The following EFCAB6 variants were observed in gnomAD, a reference collection of about 807,000 sequenced individuals.
EFCAB6 encodes EF-hand calcium binding domain 6.
A neutral mutation model predicts 169.8 loss-of-function variants in EFCAB6; 156 were observed. The ratio of observed to expected loss-of-function variants is 0.92; its 90% CI spans 0.81 to 1.05. The LOEUF is 1.05. Among genes scored for constraint, EFCAB6 ranks in the 50% least tolerant of loss-of-function variants. The pLI is 0.00. For synonymous variants in EFCAB6, 698 were observed against 676.4 expected (o/e 1.03, Z -0.50); for missense variants, 1,800 against 1,829.1 (o/e 0.98, Z 0.29).
At chr22:43,626,017 A>G (rs185831724) in intron 20 of EFCAB6, among the ~76,000 whole-genome samples, 13 of 152,384 alleles carry the variant, frequency 8.5e-5, no homozygotes, top group Non-Finnish European at 8.8e-5. Flanking sequence ...TTGAACCCAG[A>G]TTAATACATA....
chr22:43,601,290 G>A (rs2052505431), intron 22 of EFCAB6, among the ~76,000 whole-genome samples: 1 of 152,184 alleles, frequency 6.6e-6, no homozygotes, highest in South Asian at 2.1e-4. Flanking sequence ...AAATAGAATA[G>A]AATTACTTCA....
At chr22:43,551,376 T>G (rs2147155675) in intron 27 of EFCAB6, among the ~76,000 whole-genome samples, 1 of 152,358 alleles carries the variant, frequency 6.6e-6, no homozygotes, top group Non-Finnish European at 1.5e-5. Flanking sequence ...GGTGCAAAAG[T>G]AATTACGGTC....
intron 17 of EFCAB6, among the ~76,000 whole-genome samples, chr22:43,666,391 G>A (rs1043708882): frequency 1.3e-5 from 2 of 152,186 alleles, no homozygotes; most frequent in African/African-American, 4.8e-5. Context: ...CAGTGGGGCA[G>A]GCACCGGATG....
chr22:43,568,808 C>A (rs1308969372), intron 26 of EFCAB6, among the ~76,000 whole-genome samples: 1 of 152,214 alleles, frequency 6.6e-6, no homozygotes, highest in African/African-American at 2.4e-5. Context: ...AATTCAACCA[C>A]ACAAATTAAA....
At chr22:43,809,940 G>A (rs113383425) in intron 1 of EFCAB6, among the ~76,000 whole-genome samples, 105 of 151,734 alleles carry the variant, frequency 6.9e-4, no homozygotes, top group African/African-American at 2.3e-3. Flanking sequence ...TCATTCTGTC[G>A]CCCAGGCTGG....
intron 21 of EFCAB6, among the ~76,000 whole-genome samples, chr22:43,613,031 A>G (rs1221063742): frequency 2.7e-5 from 4 of 150,486 alleles, no homozygotes; most frequent in African/African-American, 9.7e-5. Flanking sequence ...TCAAAGAGCT[A>G]AAAACAGAAC....
At chr22:43,559,302 C>G (rs1417326194) in intron 26 of EFCAB6, among the ~76,000 whole-genome samples, 2 of 152,084 alleles carry the variant, frequency 1.3e-5, no homozygotes, top group Non-Finnish European at 1.5e-5. Flanking sequence ...CAAACCAAAA[C>G]CACAATAAGA....
At chr22:43,626,343 C>T in intron 20 of EFCAB6, 104 bp downstream of exon 20, 1 of 1,113,608 alleles carries the variant, frequency 9.0e-7, no homozygotes, top group Non-Finnish European at 1.3e-6. Flanking sequence ...AAAAAATAAT[C>T]ACTCCATTCT....
intron 6 of EFCAB6, among the ~76,000 whole-genome samples, chr22:43,754,345 G>A (rs1427207119): frequency 6.6e-6 from 1 of 152,188 alleles, no homozygotes; most frequent in African/African-American, 2.4e-5. Flanking sequence ...AGAGCCCCAG[G>A]ATGGAAACCC....
intron 9 of EFCAB6, among the ~76,000 whole-genome samples, chr22:43,712,065 T>C (rs936357718): frequency 6.6e-6 from 1 of 152,232 alleles, no homozygotes; most frequent in Non-Finnish European, 1.5e-5. Flanking sequence ...AGGAAAATTA[T>C]TAATATAAGG....
At chr22:43,707,095 C>G (rs951838845) in intron 10 of EFCAB6, among the ~76,000 whole-genome samples, 7 of 152,072 alleles carry the variant, frequency 4.6e-5, no homozygotes, top group African/African-American at 1.7e-4. Context: ...TAATAGCAAC[C>G]CTGAAATCTA....
At chr22:43,652,779 G>C (rs892766942) in intron 17 of EFCAB6, among the ~76,000 whole-genome samples, 7 of 148,696 alleles carry the variant, frequency 4.7e-5, no homozygotes, top group Non-Finnish European at 1.0e-4. Context: ...ACAGACAATA[G>C]AAACAGATCT....
chr22:43,808,321 T>C (rs2062988880), intron 2 of EFCAB6, among the ~76,000 whole-genome samples: 1 of 152,348 alleles, frequency 6.6e-6, no homozygotes, highest in East Asian at 1.9e-4. Flanking sequence ...GAGTGGGTGC[T>C]GAAACGAATC....
intron 10 of EFCAB6, among the ~76,000 whole-genome samples, chr22:43,692,952 G>A (rs1470537455): frequency 1.3e-5 from 2 of 152,100 alleles, no homozygotes; most frequent in Non-Finnish European, 2.9e-5. Context: ...TAGCTACAAA[G>A]CTGAAAGTCA....
chr22:43,611,551 C>A (rs1257004480), intron 21 of EFCAB6, among the ~76,000 whole-genome samples: 1 of 152,180 alleles, frequency 6.6e-6, no homozygotes, highest in East Asian at 1.9e-4. Context: ...AATCCCAGAA[C>A]CTTGGGAGGC....
At chr22:43,784,672 T>TATAC (rs1556410707) in intron 2 of EFCAB6, among the ~76,000 whole-genome samples, 1 of 42,932 alleles carries the variant, frequency 2.3e-5, no homozygotes, top group South Asian at 6.8e-4. Context: ...TACATATACA[T>TATAC]ATATACACAC....
chr22:43,537,829 CTGTGTG>C lies in EFCAB6; in HGVS notation c.3880-290_3880-285del, dbSNP rs36014478. Among the ~76,000 whole-genome samples, 9 of 151,278 alleles carry C rather than the reference CTGTGTG, an allele frequency of 5.9e-5. No homozygotes were observed. Among genetic ancestry groups the C allele is most frequent in the African/African-American group, 2.2e-4 (9 of 41,210 alleles). ...CAGATGAGATGTAAACATATTTCTG[CTGTGTG>C]TGTGTGTGTGTGAGAAGTGACAACG... On this transcript the variant is annotated intron_variant, in intron 28 of 31. Transcript: ENST00000262726. The surrounding 1 kb of genome is among the most constrained non-coding windows in gnomAD (Gnocchi z 4.3).
intron 24 of EFCAB6, among the ~76,000 whole-genome samples, chr22:43,588,741 G>A (rs915769662): frequency 2.6e-5 from 4 of 152,080 alleles, no homozygotes; most frequent in South Asian, 2.1e-4. Flanking sequence ...GACGTGTCTC[G>A]ATGGATTGGA....
chr22:43,590,196 G>C lies in EFCAB6; in HGVS notation c.2910C>G (p.Ser970Arg), dbSNP rs1438329858. 6 of 1,613,922 alleles carry C rather than the reference G, an allele frequency of 3.7e-6. No individual in the cohort carries two copies. The highest frequency in any genetic ancestry group is 5.1e-6 in the Non-Finnish European group (6 of 1,179,990). The change falls in exon 24 of 32, where the codon AGC becomes AGG. Residue 970 changes from serine to arginine, a missense_variant. Transcript: ENST00000262726. ...ATTGATCAGTTTTGGTGAATGCTTT[G>C]CTGATATCTTGATGGCGGTCCATAA... ...DKLMDRHQDI[S>R]KAFTKTDQSK...
Sources: gnomAD v4.1 joint callset for allele counts (sites outside exome capture counted in the v4.1 genomes callset) on GRCh38, gnomAD v4.1.1 for gene constraint, Gnocchi (gnomAD v3.1) non-coding constraint, MANE v1.5 for transcripts, NCBI Gene and HGNC (gene_info 2026-07-23, HGNC 2026-07-21) for gene names.